Variants in MEGF11 observed in about 807,000 individuals in gnomAD.
MEGF11 encodes multiple epidermal growth factor-like domains protein 11.
A neutral mutation model predicts 146.6 loss-of-function variants in MEGF11; 126 were observed. That is an observed-to-expected ratio of 0.86 (90% CI 0.74 to 1.00). The LOEUF (loss-of-function observed/expected upper bound fraction) is 1.00, where lower values mean the gene tolerates loss of function less well. Among genes scored for constraint, MEGF11 ranks in the 50% least tolerant of loss-of-function variants. MEGF11 has a pLI of 0.00. For missense variants in MEGF11, 1,509 were observed against 1,521.2 expected, an observed-to-expected ratio of 0.99 and a Z score of 0.13; for synonymous variants, 532 against 583.4, an observed-to-expected ratio of 0.91 and a Z score of 1.27.
intron 5 of MEGF11, among the ~76,000 whole-genome samples, chr15:65,992,896 T>G (rs1456901497): frequency 2.6e-5 from 4 of 152,172 alleles, no homozygotes; most frequent in Admixed American, 2.6e-4. Flanking sequence ...ATCTCTGGCC[T>G]GTTTCTGAGA....
chr15:66,144,047 G>A (rs1470790623), intron 1 of MEGF11, among the ~76,000 whole-genome samples: 1 of 152,188 alleles, frequency 6.6e-6, no homozygotes, highest in Non-Finnish European at 1.5e-5. Context: ...GAGGCTCCAG[G>A]TGGGGATATA....
intron 4 of MEGF11, among the ~76,000 whole-genome samples, chr15:66,108,218 C>T (rs114045938): frequency 2.6e-5 from 4 of 152,106 alleles, no homozygotes; most frequent in East Asian, 1.9e-4. Context: ...AAGGACCCTG[C>T]GGAACGCACC....
intron 4 of MEGF11, among the ~76,000 whole-genome samples, chr15:66,094,959 C>A (rs1030805160): frequency 1.2e-4 from 18 of 152,166 alleles, no homozygotes; most frequent in Non-Finnish European, 2.5e-4. Flanking sequence ...CTTTTCCCCC[C>A]ACCTTTCTGC....
At chr15:66,180,880 C>G (rs753206816) in intron 1 of MEGF11, among the ~76,000 whole-genome samples, 27 of 152,228 alleles carry the variant, frequency 1.8e-4, no homozygotes, top group Non-Finnish European at 7.3e-5. Context: ...CTGGTCCAGG[C>G]CCCTAATCGG....
At chr15:65,919,171 T>C (rs765743702) in intron 15 of MEGF11, among the ~76,000 whole-genome samples, 12 of 152,238 alleles carry the variant, frequency 7.9e-5, no homozygotes, top group African/African-American at 2.7e-4. Context: ...CTGAATCTAC[T>C]CAGTGCCTCT....
intron 5 of MEGF11, among the ~76,000 whole-genome samples, chr15:66,057,433 T>G (rs1293888836): frequency 6.6e-6 from 1 of 152,150 alleles, no homozygotes; most frequent in Non-Finnish European, 1.5e-5. Context: ...GCAACTTCCT[T>G]GAGAATGCAT....
chr15:65,944,768 C>T (rs553624836), intron 10 of MEGF11, among the ~76,000 whole-genome samples: 1 of 152,070 alleles, frequency 6.6e-6, no homozygotes, highest in African/African-American at 2.4e-5. Context: ...AAAGACAGCC[C>T]AGAATTTAAC....
intron 5 of MEGF11, among the ~76,000 whole-genome samples, chr15:66,054,674 G>T (rs997131018): frequency 1.3e-5 from 2 of 152,202 alleles, no homozygotes; most frequent in Non-Finnish European, 2.9e-5. Context: ...CACAAGAAAG[G>T]CCAGATAATG....
chr15:66,242,923 G>A lies in MEGF11; in HGVS notation c.-9+10682C>T, dbSNP rs76046298. ...GGAAATCATTTATTTCAATGGAAAT[G>A]GGACACAAGGCTGAATTTTCTGTTG... On this transcript the variant is annotated intron_variant, in intron 1 of 25. Coordinates refer to ENST00000395614, the MANE Select transcript of MEGF11 (RefSeq NM_001385028.1). Among the ~76,000 whole-genome samples the A allele has an allele frequency of 4.1e-3, 630 of 152,280 alleles. 21 individuals are homozygous for A. In the East Asian group the frequency reaches 0.083, roughly 20 times the overall value.
intron 1 of MEGF11, among the ~76,000 whole-genome samples, chr15:66,155,617 T>C (rs1012963452): frequency 5.3e-5 from 8 of 152,206 alleles, no homozygotes; most frequent in African/African-American, 1.4e-4. Context: ...GGAAGTCTAA[T>C]AGAAACCTCG....
At chr15:65,981,857 T>A (rs556107201) in intron 6 of MEGF11, among the ~76,000 whole-genome samples, 8 of 152,136 alleles carry the variant, frequency 5.3e-5, no homozygotes, top group South Asian at 4.2e-4. Flanking sequence ...GTGAGCAGCA[T>A]CATTTGGGTA....
At chr15:66,233,883 G>A (rs1597166683) in intron 1 of MEGF11, among the ~76,000 whole-genome samples, 1 of 151,478 alleles carries the variant, frequency 6.6e-6, no homozygotes, top group East Asian at 1.9e-4. Flanking sequence ...AAAAAGAGAT[G>A]TCCATTAAGA....
At chr15:66,126,540 C>T (rs1408340090) in intron 2 of MEGF11, among the ~76,000 whole-genome samples, 1 of 152,212 alleles carries the variant, frequency 6.6e-6, no homozygotes, top group Non-Finnish European at 1.5e-5. Context: ...AAATGGGGCT[C>T]AGACAGAGAG....
intron 1 of MEGF11, among the ~76,000 whole-genome samples, chr15:66,236,358 A>G (rs1025880412): frequency 2.6e-5 from 4 of 152,186 alleles, no homozygotes; most frequent in African/African-American, 9.7e-5. Flanking sequence ...GGTTTCCGAC[A>G]GGCAGGGACA....
At chr15:65,930,581 C>T (rs1158996501) in intron 11 of MEGF11, among the ~76,000 whole-genome samples, 1 of 152,248 alleles carries the variant, frequency 6.6e-6, no homozygotes, top group African/African-American at 2.4e-5. Context: ...CTCGGTTGCA[C>T]ACTTTCCCTG....
At chr15:66,008,409 G>GCACACACA (rs1227561238) in intron 5 of MEGF11, among the ~76,000 whole-genome samples, 1 of 46,536 alleles carries the variant, frequency 2.1e-5, no homozygotes, top group African/African-American at 6.0e-5. Flanking sequence ...ACACGCGCGC[G>GCACACACA]CGCACACACA....
chr15:65,972,758 A>G (rs1183190215), intron 7 of MEGF11, among the ~76,000 whole-genome samples: 1 of 152,222 alleles, frequency 6.6e-6, no homozygotes, highest in South Asian at 2.1e-4. Flanking sequence ...AGATTTGAAC[A>G]GCCTCAAAAA....
chr15:65,932,047 G>C (rs773862490), intron 10 of MEGF11, among the ~76,000 whole-genome samples: 3 of 152,220 alleles, frequency 2.0e-5, no homozygotes, highest in Non-Finnish European at 4.4e-5. Flanking sequence ...ATAGAGATTA[G>C]TGAGCTCTTG....
chr15:66,128,380 G>T lies in MEGF11; in HGVS notation c.24C>A (p.Leu8=). ...TGGCTTGCAGGAAGGAGAAGGCAAT[G>T]AGCCCCGTCAGGGAGAGCACCATCC... The part of the protein sequence containing the change: MVLSLTG[L]IAFSFLQATL... The change falls in exon 2 of 26, where the codon CTC becomes CTA. Residue 8 remains leucine, a synonymous_variant. Coordinates refer to ENST00000395614, the MANE Select transcript of MEGF11 (RefSeq NM_001385028.1). 6.6e-7 allele frequency: 1 copy of T among 1,521,402 alleles called. No individual in the cohort carries two copies. The allele number at this position is 1,521,402 out of a possible 1,614,324, so 94.2% of individuals were successfully genotyped here.
Sources: gnomAD v4.1 joint callset for allele counts (sites outside exome capture counted in the v4.1 genomes callset) on GRCh38, gnomAD v4.1.1 for gene constraint, MANE v1.5 for transcripts, NCBI Gene and HGNC (gene_info 2026-07-23, HGNC 2026-07-21) for gene names.